The following TMEM178B variants were observed in gnomAD, a reference collection of about 807,000 sequenced individuals.
TMEM178B encodes the protein transmembrane protein 178B.
In TMEM178B, 5 loss-of-function variants were observed where a neutral mutation model predicts 31.0. The observed-to-expected ratio is 0.16, with a 90% CI of 0.08 to 0.34. The LOEUF (loss-of-function observed/expected upper bound fraction) is 0.34. Ranked by LOEUF, TMEM178B falls within the 10% of genes least tolerant of loss-of-function variation. The probability of loss-of-function intolerance (pLI) is 1.00; values close to 1 mark genes in which losing one functional copy is unlikely to be tolerated. For missense variants in TMEM178B, 275 were observed against 400.3 expected (o/e 0.69, Z 2.67); for synonymous variants, 164 against 164.0 (o/e 1.00, Z 0.00).
intron 2 of TMEM178B, among the ~76,000 whole-genome samples, chr7:141,226,220 TG>T (rs72334140): frequency 0.019 from 2,963 of 152,146 alleles, 105 homozygotes; most frequent in African/African-American, 0.068. Context: ...AACACCCTCT[TG>T]GGGGGAGGGT....
chr7:141,217,827 T>G (rs1341185155), intron 2 of TMEM178B, among the ~76,000 whole-genome samples: 1 of 152,026 alleles, frequency 6.6e-6, no homozygotes, highest in African/African-American at 2.4e-5. Context: ...ATGGAGGTTT[T>G]TGCTCCCAGT....
chr7:141,174,592 T>C (rs1796398312), intron 1 of TMEM178B, among the ~76,000 whole-genome samples: 1 of 152,202 alleles, frequency 6.6e-6, no homozygotes, highest in Admixed American at 6.5e-5. Context: ...AGTAAAAGCA[T>C]TCCTATTTCT....
chr7:141,092,172 T>C (rs1387454771), intron 1 of TMEM178B, among the ~76,000 whole-genome samples: 2 of 152,138 alleles, frequency 1.3e-5, no homozygotes, highest in Admixed American at 6.6e-5. Context: ...CTCAAATATT[T>C]CTTGATTATA....
intron 2 of TMEM178B, among the ~76,000 whole-genome samples, chr7:141,412,711 C>T (rs906722863): frequency 6.6e-6 from 1 of 152,210 alleles, no homozygotes; most frequent in Non-Finnish European, 1.5e-5. Flanking sequence ...GAGTCAGGCT[C>T]ACCCAGTGCT....
intron 2 of TMEM178B, among the ~76,000 whole-genome samples, chr7:141,285,171 T>C (rs1798428335): frequency 6.9e-6 from 1 of 144,164 alleles, no homozygotes. Context: ...TTTTTTTTTT[T>C]TTTTTTTGAG....
chr7:141,177,810 C>G (rs1796458256), intron 1 of TMEM178B, among the ~76,000 whole-genome samples: 2 of 152,092 alleles, frequency 1.3e-5, no homozygotes, highest in South Asian at 2.1e-4. Flanking sequence ...ATTCCTTCAT[C>G]CCATTATTTT....
chr7:141,438,281 C>T (rs1338431174), intron 3 of TMEM178B, among the ~76,000 whole-genome samples: 1 of 151,986 alleles, frequency 6.6e-6, no homozygotes, highest in Non-Finnish European at 1.5e-5. Flanking sequence ...ATTATTTTAC[C>T]GTCATGTGCA....
intron 1 of TMEM178B, among the ~76,000 whole-genome samples, chr7:141,187,805 T>C (rs1210680575): frequency 6.6e-6 from 1 of 152,206 alleles, no homozygotes; most frequent in African/African-American, 2.4e-5. Flanking sequence ...TTTTTTCTTG[T>C]AAATTTGTTT....
intron 1 of TMEM178B, among the ~76,000 whole-genome samples, chr7:141,081,208 C>T (rs751154448): frequency 2.6e-5 from 4 of 152,098 alleles, no homozygotes; most frequent in South Asian, 2.1e-4. Context: ...TGGAAGACAG[C>T]GAGATTGATG....
intron 3 of TMEM178B, among the ~76,000 whole-genome samples, chr7:141,446,254 T>C (rs1727480): frequency 0.8 from 121,756 of 151,750 alleles, 49,114 homozygotes; most frequent in African/African-American, 0.88. Context: ...ACCTACCCCT[T>C]CTACAGATGT....
chr7:141,106,692 C>T (rs1470791697), intron 1 of TMEM178B, among the ~76,000 whole-genome samples: 3 of 152,168 alleles, frequency 2.0e-5, no homozygotes, highest in Admixed American at 6.5e-5. Flanking sequence ...TCCTGGGAAC[C>T]CAGTGGTCCT....
At chr7:141,235,206 T>C (rs1281391888) in intron 2 of TMEM178B, among the ~76,000 whole-genome samples, 1 of 152,238 alleles carries the variant, frequency 6.6e-6, no homozygotes, top group African/African-American at 2.4e-5. Context: ...TCAGAATCAT[T>C]AAATGAAGCC....
At chr7:141,492,663 G>T in the TMEM178B span, among the ~76,000 whole-genome samples, 1 of 152,190 alleles carries the variant, frequency 6.6e-6, no homozygotes. Context: ...AATAAATTCT[G>T]CTTGTTCCTT....
intron 1 of TMEM178B, among the ~76,000 whole-genome samples, chr7:141,176,386 C>T (rs1374819761): frequency 2.6e-5 from 4 of 152,122 alleles, no homozygotes; most frequent in African/African-American, 9.7e-5. Flanking sequence ...ATTTTCACAT[C>T]GATGTTCATC....
At chr7:141,183,552 T>C (rs991050515) in intron 1 of TMEM178B, among the ~76,000 whole-genome samples, 4 of 152,228 alleles carry the variant, frequency 2.6e-5, no homozygotes, top group African/African-American at 7.2e-5. Context: ...TAAACACTGA[T>C]GTGTTAGTCA....
the TMEM178B span, among the ~76,000 whole-genome samples, chr7:141,510,193 G>T: frequency 6.6e-6 from 1 of 152,320 alleles, no homozygotes. Context: ...GGGCCCTGCA[G>T]CATCCAGGTA....
At chr7:141,153,590 T>A (rs1463760173) in intron 1 of TMEM178B, among the ~76,000 whole-genome samples, 1 of 152,236 alleles carries the variant, frequency 6.6e-6, no homozygotes, top group African/African-American at 2.4e-5. Flanking sequence ...TAGCAGAGTA[T>A]GATAATATTC....
intron 1 of TMEM178B, among the ~76,000 whole-genome samples, chr7:141,101,157 T>A (rs1795051389): frequency 6.6e-6 from 1 of 152,228 alleles, no homozygotes; most frequent in African/African-American, 2.4e-5. Context: ...AGCCACCAAA[T>A]TCAGAGTGTA....
At chr7:141,234,704 C>A (rs1056093219) in intron 2 of TMEM178B, among the ~76,000 whole-genome samples, 1 of 152,132 alleles carries the variant, frequency 6.6e-6, no homozygotes, top group South Asian at 2.1e-4. Context: ...CTTCTTGTAC[C>A]CCATGCCCTC....
Sources: gnomAD v4.1 joint callset for allele counts (sites outside exome capture counted in the v4.1 genomes callset) on GRCh38, gnomAD v4.1.1 for gene constraint, MANE v1.5 for transcripts, NCBI Gene and HGNC (gene_info 2026-07-23, HGNC 2026-07-21) for gene names.